Variants in UBE2E1 observed in about 807,000 individuals in gnomAD.
The protein encoded by UBE2E1 is ubiquitin-conjugating enzyme E2 E1.
In UBE2E1, 6 loss-of-function variants were observed where a neutral mutation model predicts 21.4. The observed-to-expected ratio is 0.28, with a 90% CI of 0.15 to 0.55. UBE2E1 has a LOEUF of 0.55. Ranked by LOEUF, UBE2E1 falls within the 20% of genes least tolerant of loss-of-function variation. The probability of loss-of-function intolerance (pLI) is 0.93; values close to 1 mark genes in which losing one functional copy is unlikely to be tolerated. For synonymous variants in UBE2E1, 87 were observed against 82.7 expected (o/e 1.05, Z -0.28); for missense variants, 142 against 236.5 (o/e 0.60, Z 2.62).
intron 3 of UBE2E1, among the ~76,000 whole-genome samples, chr3:23,862,956 C>T (rs1213034426): frequency 6.6e-6 from 1 of 151,898 alleles, no homozygotes; most frequent in East Asian, 1.9e-4. Context: ...GAACTTGCGA[C>T]CTCAAGCAAT....
intron 3 of UBE2E1, among the ~76,000 whole-genome samples, chr3:23,824,599 C>T (rs1699715079): frequency 6.6e-6 from 1 of 152,166 alleles, no homozygotes; most frequent in South Asian, 2.1e-4. Flanking sequence ...CTCTTCAAGC[C>T]CCTCAAGGAG....
At chr3:23,837,544 C>G (rs774882988) in intron 3 of UBE2E1, among the ~76,000 whole-genome samples, 2 of 152,206 alleles carry the variant, frequency 1.3e-5, no homozygotes, top group Non-Finnish European at 2.9e-5. Flanking sequence ...CCCAGTCCAA[C>G]TTGCTATGTG....
At chr3:23,885,713 A>T (rs144947202) in intron 3 of UBE2E1, among the ~76,000 whole-genome samples, 54 of 152,224 alleles carry the variant, frequency 3.5e-4, no homozygotes, top group South Asian at 2.5e-3. Flanking sequence ...ATACAAAATT[A>T]GCCAGGCATA....
chr3:23,856,788 A>G (rs981584338), intron 3 of UBE2E1, among the ~76,000 whole-genome samples: 4 of 152,140 alleles, frequency 2.6e-5, no homozygotes, highest in African/African-American at 9.7e-5. Context: ...TAATGTCATG[A>G]TTATCAAGAA....
At chr3:23,809,144 A>G (rs1220640721) in intron 2 of UBE2E1, among the ~76,000 whole-genome samples, 1 of 152,240 alleles carries the variant, frequency 6.6e-6, no homozygotes, top group Admixed American at 6.5e-5. Flanking sequence ...AATTTTACCT[A>G]TAAATTAACA....
At chr3:23,888,831 C>G (rs571109296) in intron 4 of UBE2E1, among the ~76,000 whole-genome samples, 5 of 152,246 alleles carry the variant, frequency 3.3e-5, no homozygotes, top group African/African-American at 1.2e-4. Flanking sequence ...AAACAATTAG[C>G]TATTCAAACT....
At chr3:23,820,041 T>A (rs1382112384) in intron 3 of UBE2E1, among the ~76,000 whole-genome samples, 1 of 152,182 alleles carries the variant, frequency 6.6e-6, no homozygotes, top group Non-Finnish European at 1.5e-5. Context: ...GGGTGCTAAA[T>A]ACAGTGGGTT....
chr3:23,877,002 AAC>A (rs1347997889), intron 3 of UBE2E1, among the ~76,000 whole-genome samples: 2 of 152,230 alleles, frequency 1.3e-5, no homozygotes, highest in Non-Finnish European at 2.9e-5. Flanking sequence ...CAGCTTGAGC[AAC>A]AGAGTGAGAC....
rs1553637704 is a variant in UBE2E1 at position 23,842,198 on chromosome 3, G to GGGGT, written c.203+30689_203+30690insGGTG. On this transcript the variant is annotated intron_variant, in intron 3 of 5. Transcript: ENST00000306627. This position sits in a 1 kb window ranked among gnomAD's most constrained non-coding sequence, Gnocchi z 4.6. Reference sequence around the variant, plus strand: ...TATGTCATGACCCAGTAAGTGAAGGGGTGTGTGTGTGTGTGTGTGTGTGTG... The same window carrying GGGGT: ...TATGTCATGACCCAGTAAGTGAAGGGGGGTGTGTGTGTGTGTGTGTGTGTGTGTG... 0.029 allele frequency among the ~76,000 whole-genome samples: 3,054 copies of GGGGT among 104,390 alleles called. 96 individuals are homozygous for GGGGT. Among genetic ancestry groups the GGGGT allele is most frequent in the East Asian group, 0.084 (284 of 3,374 alleles). 68.5% of individuals were successfully genotyped at this position (104,390 alleles called of 152,430 possible).
At position 23,808,003 on chromosome 3, in the gene UBE2E1, A is replaced by C. The variant is rs1360542301; in HGVS notation, c.152+582A>C. On this transcript the variant is annotated intron_variant, in intron 2 of 5. Transcript: ENST00000306627. The surrounding 1 kb of genome is among the most constrained non-coding windows in gnomAD (Gnocchi z 4.9). ...AATGAATGAATCAGTAAGTGACTAT[A>C]AAATGGTTATTCTAGGTTATTTTTG... The C allele has an allele frequency of 6.6e-6, 1 of 152,262 alleles. No homozygotes were observed. The highest frequency in any genetic ancestry group is 1.5e-5 in the Non-Finnish European group (1 of 68,052). The allele number at this position is 152,262 out of a possible 1,614,324, so 9.4% of individuals were successfully genotyped here. A position where few individuals can be genotyped will look rare whatever the true frequency, so the allele number is the denominator to read the frequency against.
intron 3 of UBE2E1, among the ~76,000 whole-genome samples, chr3:23,875,865 C>G (rs1188255874): frequency 6.6e-6 from 1 of 152,226 alleles, no homozygotes; most frequent in Non-Finnish European, 1.5e-5. Flanking sequence ...CTCCGCCTCC[C>G]AGGTTCAAGC....
intron 3 of UBE2E1, among the ~76,000 whole-genome samples, chr3:23,869,489 C>G (rs1355637725): frequency 3.3e-5 from 5 of 150,272 alleles, no homozygotes; most frequent in Non-Finnish European, 4.4e-5. Context: ...GCACTCCTGC[C>G]TGCCCCCTCA....
chr3:23,811,982 C>A (rs1699403459), intron 3 of UBE2E1, among the ~76,000 whole-genome samples: 1 of 152,112 alleles, frequency 6.6e-6, no homozygotes, highest in African/African-American at 2.4e-5. Flanking sequence ...TTTGGCAGAG[C>A]AATTCAGGAA....
At chr3:23,813,388 C>CT (rs1380664215) in intron 3 of UBE2E1, among the ~76,000 whole-genome samples, 2 of 152,130 alleles carry the variant, frequency 1.3e-5, no homozygotes, top group Non-Finnish European at 2.9e-5. Context: ...TTTTGGTTGG[C>CT]TAATGGTGCT....
intron 3 of UBE2E1, among the ~76,000 whole-genome samples, chr3:23,869,725 A>C (rs1015064256): frequency 0.018 from 19 of 1,068 alleles, no homozygotes; most frequent in Non-Finnish European, 0.047. Flanking sequence ...ACCCTGTGTC[A>C]AAAAAAAAAA....
At chr3:23,875,974 T>C (rs946788390) in intron 3 of UBE2E1, among the ~76,000 whole-genome samples, 2 of 152,202 alleles carry the variant, frequency 1.3e-5, no homozygotes, top group Non-Finnish European at 2.9e-5. Context: ...GGTTTCACTG[T>C]GTTGGCCAGG....
chr3:23,814,477 G>C lies in UBE2E1; in HGVS notation c.203+2967G>C, dbSNP rs72625891. Among the ~76,000 whole-genome samples the C allele has an allele frequency of 2.9e-3, 436 of 152,074 alleles. 11 individuals are homozygous for C. In the East Asian group the frequency reaches 0.044, roughly 15 times the overall value. Reference sequence around the variant, plus strand: ...AATCAAATTCTTAATTTTAGTATCTGTGATTTGTGTGTGTGTGTATATATA... The same window carrying C: ...AATCAAATTCTTAATTTTAGTATCTCTGATTTGTGTGTGTGTGTATATATA... On this transcript the variant is annotated intron_variant, in intron 3 of 5. Coordinates refer to ENST00000306627, the MANE Select transcript of UBE2E1 (RefSeq NM_003341.5).
intron 3 of UBE2E1, among the ~76,000 whole-genome samples, chr3:23,845,589 C>CTCTCTCTGTGTGTGTGTGTGTG (rs1553637998): frequency 8.2e-6 from 1 of 121,288 alleles, no homozygotes; most frequent in African/African-American, 3.2e-5. Context: ...CTCTCTCTCT[C>CTCTCTCTGTGTGTGTGTGTGTG]TGTGTGTGTG....
Position 23,863,946 on chromosome 3 carries a change from C to G in UBE2E1, c.204-23621C>G, listed in dbSNP as rs1700604077. 6.6e-6 allele frequency among the ~76,000 whole-genome samples: 1 copy of G among 152,178 alleles called. No homozygotes were observed. Among genetic ancestry groups the G allele is most frequent in the African/African-American group, 2.4e-5 (1 of 41,446 alleles). ...TCATACCGGATTCTCGTGTCACTGT[C>G]TTTTGGGGAATTCTCTTTACTATTC... On this transcript the variant is annotated intron_variant, in intron 3 of 5. Coordinates refer to ENST00000306627, the MANE Select transcript of UBE2E1 (RefSeq NM_003341.5). This position sits in a 1 kb window ranked among gnomAD's most constrained non-coding sequence, Gnocchi z 4.3.
Sources: allele counts gnomAD v4.1 joint callset (sites outside exome capture counted in the v4.1 genomes callset), GRCh38; gene constraint gnomAD v4.1.1; non-coding constraint Gnocchi (gnomAD v3.1); transcripts MANE v1.5; gene names NCBI Gene and HGNC (gene_info 2026-07-23, HGNC 2026-07-21).